The following NECTIN3 variants were observed in gnomAD, a reference collection of about 807,000 sequenced individuals.
NECTIN3 encodes the protein nectin cell adhesion molecule 3, also known as nectin-3.
A neutral mutation model predicts 49.4 loss-of-function variants in NECTIN3; 8 were observed. The ratio of observed to expected loss-of-function variants is 0.16; its 90% CI spans 0.10 to 0.29. The LOEUF (loss-of-function observed/expected upper bound fraction) is 0.29, where lower values mean the gene tolerates loss of function less well. Ranked by LOEUF, NECTIN3 falls within the 10% of genes least tolerant of loss-of-function variation. The probability of loss-of-function intolerance (pLI) is 1.00; values close to 1 mark genes in which losing one functional copy is unlikely to be tolerated. For missense variants in NECTIN3, 581 were observed against 654.6 expected (o/e 0.89, Z 1.23); for synonymous variants, 277 against 241.1 (o/e 1.15, Z -1.38).
At chr3:111,165,058 A>T (rs1271262518) in intron 7 of NECTIN3, among the ~76,000 whole-genome samples, 1 of 151,584 alleles carries the variant, frequency 6.6e-6, no homozygotes, top group Non-Finnish European at 1.5e-5. Flanking sequence ...TTATTTATTT[A>T]TTTTTTGAGA....
At chr3:111,118,508 A>T (rs2033805175) in intron 2 of NECTIN3, 148 bp from the exon 3 acceptor site, 3 of 673,294 alleles carry the variant, frequency 4.5e-6, no homozygotes, top group Non-Finnish European at 4.7e-6. Flanking sequence ...CCAAGAATGT[A>T]ATTGACGATG....
At chr3:111,152,582 G>GT (rs1253726278) in intron 7 of NECTIN3, among the ~76,000 whole-genome samples, 1 of 151,732 alleles carries the variant, frequency 6.6e-6, no homozygotes, top group Non-Finnish European at 1.5e-5. Context: ...ACCTCTAAAC[G>GT]TTTTATAAGT....
chr3:111,130,073 C>T (rs2034329742), intron 5 of NECTIN3, among the ~76,000 whole-genome samples: 1 of 151,694 alleles, frequency 6.6e-6, no homozygotes, highest in Non-Finnish European at 1.5e-5. Flanking sequence ...TCTCCTGCCT[C>T]AGCCTCCCAA....
chr3:111,133,979 A>C lies in NECTIN3; in HGVS notation c.1414A>C (p.Lys472Gln), dbSNP rs750595805. The part of the protein sequence containing the change: ...ELDSYPDSVK[K>Q]ENKNPVNNLI... Reference sequence around the variant, plus strand: ...TGATTCTTACCCAGACAGTGTAAAAAAAGAAAACAAAAATCCAGTGAACAA... The same window carrying C: ...TGATTCTTACCCAGACAGTGTAAAACAAGAAAACAAAAATCCAGTGAACAA... Residue 472 changes from lysine to glutamine, a missense_variant, in exon 6 of 6, where the codon AAA becomes CAA. Lys to Gln is a moderately conservative substitution (Grantham distance 53). Around this residue, in one of 3 missense-constraint regions of NECTIN3, gnomAD observed 238 missense variants for 244.9 expected, o/e 0.97. Transcript: ENST00000485303. 1.9e-6 allele frequency: 3 copies of C among 1,613,300 alleles called. No individual in the cohort carries two copies. The East Asian group carries it at 6.7e-5, about 36-fold the overall frequency.
At chr3:111,074,406 T>C (rs187405554) in intron 1 of NECTIN3, among the ~76,000 whole-genome samples, 5 of 152,276 alleles carry the variant, frequency 3.3e-5, no homozygotes, top group Non-Finnish European at 5.9e-5. Flanking sequence ...TTTAAAAATA[T>C]GACTGTAGCT....
In NECTIN3 at chr3:111,193,539, C is replaced by A. The variant is rs995034582; in HGVS notation, c.63+1126C>A. On this transcript the variant is annotated intron_variant, in intron 1 of 1. Coordinates refer to the NECTIN3 transcript ENST00000485506. Reference sequence around the variant, plus strand: ...ATGACGTAAAGCCAATAGCAAATTTCTTTTCTTCATTAAGCGTTTCTTAAC... The same window carrying A: ...ATGACGTAAAGCCAATAGCAAATTTATTTTCTTCATTAAGCGTTTCTTAAC... 8.5e-6 allele frequency: 7 copies of A among 819,684 alleles called. No homozygotes were observed. The African/African-American group carries it at 8.6e-5, about 10-fold the overall frequency. 50.8% of individuals were successfully genotyped at this position (819,684 alleles called of 1,614,324 possible).
intron 7 of NECTIN3, among the ~76,000 whole-genome samples, chr3:111,163,735 G>A (rs2035264533): frequency 6.6e-6 from 1 of 152,074 alleles, no homozygotes; most frequent in Non-Finnish European, 1.5e-5. Context: ...CTATGAGAGG[G>A]AAGATTCATT....
At chr3:111,176,240 T>C (rs2035526260) in intron 7 of NECTIN3, among the ~76,000 whole-genome samples, 4 of 152,182 alleles carry the variant, frequency 2.6e-5, no homozygotes, top group African/African-American at 9.7e-5. Flanking sequence ...GTAGGGTGCA[T>C]TGAAAACAAG....
At chr3:111,183,630 A>G (rs894580714) in intron 7 of NECTIN3, among the ~76,000 whole-genome samples, 1 of 151,942 alleles carries the variant, frequency 6.6e-6, no homozygotes, top group Non-Finnish European at 1.5e-5. Context: ...TGAATATTTT[A>G]TGGGATATAG....
chr3:111,134,972 T>C lies in NECTIN3; in HGVS notation c.*757T>C, dbSNP rs558287619. The C allele has an allele frequency of 2.0e-6, 2 of 977,552 alleles. No homozygotes were observed. Among genetic ancestry groups the C allele is most frequent in the Admixed American group, 6.2e-5 (1 of 16,116 alleles). 60.6% of individuals were successfully genotyped at this position (977,552 alleles called of 1,614,324 possible). A position where few individuals can be genotyped will look rare whatever the true frequency, so the allele number is the denominator to read the frequency against. On this transcript the variant is annotated 3_prime_UTR_variant, in exon 6 of 6. Coordinates refer to ENST00000485303, the MANE Select transcript of NECTIN3 (RefSeq NM_015480.3). ...ACATACCTTTCAAACATGATAATTA[T>C]TAGTTTTTTTTTTTCCTTTCTGGAA... is the stretch of plus-strand genomic sequence containing the variant.
chr3:111,118,893 T>G lies in NECTIN3; in HGVS notation c.740T>G (p.Val247Gly). The G allele has an allele frequency of 6.2e-7, 1 of 1,614,194 alleles. No individual in the cohort carries two copies. The highest frequency in any genetic ancestry group is 1.1e-5 in the South Asian group (1 of 91,084). ...RFARGRRITC[V>G]VKHPALEKDI... is the part of the protein sequence containing the mutation. Reference sequence around the variant, plus strand: ...GCTAGAGGAAGGCGAATTACTTGTGTTGTAAAACATCCAGCCTTGGAAAAG... The same window carrying G: ...GCTAGAGGAAGGCGAATTACTTGTGGTGTAAAACATCCAGCCTTGGAAAAG... The change falls in exon 3 of 6, where the codon GTT (valine) becomes GGT (glycine). Residue 247 changes from valine to glycine, a missense_variant. By Grantham distance (109) the Val-to-Gly change is moderately radical. Around this residue, in one of 3 missense-constraint regions of NECTIN3, gnomAD observed 234 missense variants for 340.6 expected, o/e 0.69. Transcript: ENST00000485303.
chr3:111,185,009 T>C (rs4682241), intron 7 of NECTIN3, among the ~76,000 whole-genome samples: 5,983 of 152,320 alleles, frequency 0.039, 396 homozygotes, highest in African/African-American at 0.13. Context: ...TCAATTCTAA[T>C]CAAGTTCTGG....
At chr3:111,150,840 T>G (rs907353230) in intron 7 of NECTIN3, among the ~76,000 whole-genome samples, 2 of 151,988 alleles carry the variant, frequency 1.3e-5, no homozygotes, top group African/African-American at 4.8e-5. Flanking sequence ...TAGGAGATAC[T>G]GTTTATATTA....
At chr3:111,127,292 GA>G (rs930967489) in intron 5 of NECTIN3, among the ~76,000 whole-genome samples, 1 of 152,084 alleles carries the variant, frequency 6.6e-6, no homozygotes, top group African/African-American at 2.4e-5. Context: ...ATCAGTCCAA[GA>G]AAAGTACCAC....
chr3:111,175,074 T>C (rs760349002), intron 7 of NECTIN3, among the ~76,000 whole-genome samples: 2 of 151,992 alleles, frequency 1.3e-5, no homozygotes, highest in Non-Finnish European at 2.9e-5. Flanking sequence ...CCCTGGAGCC[T>C]GGCCATCCAG....
chr3:111,115,793 A>G (rs2033667494), intron 2 of NECTIN3, among the ~76,000 whole-genome samples: 2 of 152,242 alleles, frequency 1.3e-5, no homozygotes, highest in African/African-American at 4.8e-5. Flanking sequence ...TGCCACATGA[A>G]TGAAGACAAG....
At chr3:111,128,879 G>A (rs899130689) in intron 5 of NECTIN3, among the ~76,000 whole-genome samples, 5 of 152,238 alleles carry the variant, frequency 3.3e-5, no homozygotes, top group African/African-American at 9.6e-5. Context: ...TGAGCAGCTA[G>A]GGTAGTTCTT....
chr3:111,168,888 G>T (rs1559816687), intron 7 of NECTIN3, among the ~76,000 whole-genome samples: 1 of 152,108 alleles, frequency 6.6e-6, no homozygotes, highest in Non-Finnish European at 1.5e-5. Context: ...CGTTAGATCT[G>T]CATTTATTAA....
At chr3:111,192,465 G>C in intron 1 of NECTIN3, 1 of 1,437,896 alleles carries the variant, frequency 7.0e-7, no homozygotes, top group Non-Finnish European at 9.4e-7. Context: ...TAGCTAACGT[G>C]CTTATTAAAA....
Sources: gnomAD v4.1 joint callset for allele counts (sites outside exome capture counted in the v4.1 genomes callset) on GRCh38, gnomAD v4.1.1 for gene constraint, gnomAD v4.1.1 regional missense constraint, MANE v1.5 for transcripts, NCBI Gene and HGNC (gene_info 2026-07-23, HGNC 2026-07-21) for gene names.